Variants in USP34 observed in about 807,000 individuals in gnomAD.
The protein encoded by USP34 is ubiquitin carboxyl-terminal hydrolase 34.
A neutral mutation model predicts 460.3 loss-of-function variants in USP34; 70 were observed. The ratio of observed to expected loss-of-function variants is 0.15; its 90% confidence interval spans 0.13 to 0.19. The LOEUF is 0.19. USP34 is among the 10% of genes least tolerant of loss of function. The pLI is 1.00. For synonymous variants in USP34, 1,647 were observed against 1,405.3 expected, an observed-to-expected ratio of 1.17 and a Z score of -3.85; for missense variants, 3,985 against 4,236.2, an observed-to-expected ratio of 0.94 and a Z score of 1.65.
chr2:61,396,579 C>A (rs563930502), intron 3 of USP34, among the ~76,000 whole-genome samples: 1 of 151,994 alleles, frequency 6.6e-6, no homozygotes, highest in East Asian at 1.9e-4. Flanking sequence ...AGCTCTGCCT[C>A]CTGGGTTCAC....
Position 61,420,724 on chromosome 2 carries a change from C to T in USP34, c.131+22G>A, listed in dbSNP as rs775338299. On this transcript the variant is annotated intron_variant, in intron 2 of 79. Coordinates refer to ENST00000398571, the MANE Select transcript of USP34 (RefSeq NM_014709.4). ...AACACAACTCACAAAAATTAGTCTT[C>T]GAAATACCTAAAGATGCATACCTCT... The T allele has an allele frequency of 1.1e-4, 169 of 1,545,108 alleles. 1 individual carries two copies. In the Middle Eastern group the frequency reaches 3.6e-3, roughly 33 times the overall value.
chr2:61,212,082 T>A (rs1687285882), intron 68 of USP34, among the ~76,000 whole-genome samples, 153 bp from the exon 69 acceptor site: 1 of 152,146 alleles, frequency 6.6e-6, no homozygotes, highest in Non-Finnish European at 1.5e-5. Context: ...AGTAACAAAT[T>A]CTATTTAAAA....
chr2:61,304,606 C>T (rs889144515), intron 27 of USP34, among the ~76,000 whole-genome samples: 2 of 152,206 alleles, frequency 1.3e-5, no homozygotes, highest in African/African-American at 4.8e-5. Context: ...AATGAAGACA[C>T]AGCAATAAAG....
At chr2:61,236,431 T>C (rs1177677885) in intron 53 of USP34, 42 bp from the exon 54 acceptor site, 1 of 1,397,160 alleles carries the variant, frequency 7.2e-7, no homozygotes, top group Non-Finnish European at 9.7e-7. Context: ...AGCAGTTTAC[T>C]TCATTACATT....
Position 61,188,107 on chromosome 2 carries a change from A to C in USP34, c.10636T>G (p.Ser3546Ala), listed in dbSNP as rs781420169. 2.4e-5 allele frequency: 39 copies of C among 1,611,706 alleles called. No homozygotes were observed. The highest frequency in any genetic ancestry group is 5.5e-5 in the South Asian group (5 of 90,816). Reference sequence around the variant, plus strand: ...TAGACATGCTACACCTAATGTCAAGAAGCAGCTTGGTTTCCTTTGCCAGAT... The same window carrying C: ...TAGACATGCTACACCTAATGTCAAGCAGCAGCTTGGTTTCCTTTGCCAGAT... ...RISGKGNQAAS is the reference protein window; with the variant it reads ...RISGKGNQAAA Residue 3546 changes from serine to alanine, a missense_variant, in exon 80 of 80, where the codon TCT (serine) becomes GCT (alanine). Around this residue, in one of 14 missense-constraint regions of USP34, gnomAD observed 506 missense variants for 439.0 expected, o/e 1.15. Transcript: ENST00000398571.
intron 57 of USP34, among the ~76,000 whole-genome samples, chr2:61,234,444 G>C (rs1688004122): frequency 6.6e-6 from 1 of 152,152 alleles, no homozygotes; most frequent in Admixed American, 6.6e-5. Flanking sequence ...GGGATGGAGA[G>C]AGAAAACCAG....
At position 61,347,921 on chromosome 2, in the gene USP34, A is replaced by G; in HGVS notation, c.2234T>C (p.Ile745Thr). 1.9e-6 allele frequency: 3 copies of G among 1,614,026 alleles called. No individual in the cohort carries two copies. Among genetic ancestry groups the G allele is most frequent in the Non-Finnish European group, 2.5e-6 (3 of 1,179,986 alleles). Residue 745 changes from isoleucine (I) to threonine (T), a missense_variant, in exon 15 of 80, where the codon ATT becomes ACT. By Grantham distance (89) the Ile-to-Thr change is moderately conservative (BLOSUM62 -1). This residue lies in a region of USP34 where 716 missense variants were observed against 626.2 expected (regional missense o/e 1.14). Transcript: ENST00000398571. ...GNELFNCRQF[I>T]GPQHHHHHHH... Reference sequence around the variant, plus strand: ...GTGGTGGTGGTGATGCTGTGGACCAATAAATTGTCGACAATTAAATAATTC... The same window carrying G: ...GTGGTGGTGGTGATGCTGTGGACCAGTAAATTGTCGACAATTAAATAATTC...
chr2:61,194,350 C>T, intron 75 of USP34: 1 of 968,202 alleles, frequency 1.0e-6, no homozygotes, highest in Non-Finnish European at 1.2e-6. Context: ...CATGTCATCA[C>T]ATCTGTGGCT....
In USP34 at chr2:61,357,006, T is replaced by C. The variant is rs2103802484; in HGVS notation, c.1252-6313A>G. 2.0e-5 allele frequency among the ~76,000 whole-genome samples: 3 copies of C among 152,330 alleles called. No homozygotes were observed. The Middle Eastern group carries it at 0.01, about 518-fold the overall frequency. ...AGAGAAATAAAAAGTTCCACAATAA[T>C]AGTTGGAGACTTCAATATCCAATTT... On this transcript the variant is annotated intron_variant, in intron 10 of 79. Coordinates refer to ENST00000398571, the MANE Select transcript of USP34 (RefSeq NM_014709.4).
chr2:61,467,959 A>C (rs1695829765), intron 1 of USP34, among the ~76,000 whole-genome samples: 1 of 151,834 alleles, frequency 6.6e-6, no homozygotes, highest in Non-Finnish European at 1.5e-5. Context: ...CGTTGAACTG[A>C]TGCTCATCTT....
At chr2:61,362,124 G>A (rs1036697829) in intron 10 of USP34, among the ~76,000 whole-genome samples, 14 of 152,054 alleles carry the variant, frequency 9.2e-5, no homozygotes, top group African/African-American at 2.2e-4. Context: ...TCACACCTAC[G>A]TTGTAACAAC....
chr2:61,394,691 AT>A (rs752285262), intron 5 of USP34, among the ~76,000 whole-genome samples, 161 bp downstream of exon 5: 1 of 152,158 alleles, frequency 6.6e-6, no homozygotes, highest in Non-Finnish European at 1.5e-5. Context: ...TCTAATCTTA[AT>A]AATAAAGATC....
chr2:61,365,937 G>A (rs1356537132), intron 10 of USP34, among the ~76,000 whole-genome samples: 1 of 74,908 alleles, frequency 1.3e-5, no homozygotes, highest in South Asian at 7.1e-4. Context: ...AAAATGACTG[G>A]GAACACCTAT....
At chr2:61,303,478 G>A (rs1343508979) in intron 27 of USP34, among the ~76,000 whole-genome samples, 1 of 152,066 alleles carries the variant, frequency 6.6e-6, no homozygotes, top group Non-Finnish European at 1.5e-5. Flanking sequence ...ATTTTATAGT[G>A]TATTTTACTT....
At chr2:61,373,795 T>C (rs1692704590) in intron 8 of USP34, among the ~76,000 whole-genome samples, 2 of 152,198 alleles carry the variant, frequency 1.3e-5, no homozygotes, top group South Asian at 4.1e-4. Context: ...ATAGATATCA[T>C]ACACAGATCT....
At chr2:61,196,498 T>C (rs893571173) in intron 75 of USP34, among the ~76,000 whole-genome samples, 3 of 152,082 alleles carry the variant, frequency 2.0e-5, no homozygotes, top group Non-Finnish European at 2.9e-5. Context: ...GTGCTAGGAT[T>C]ATGGGCATGA....
chr2:61,299,143 C>T (rs189597122), intron 29 of USP34, among the ~76,000 whole-genome samples: 4 of 152,006 alleles, frequency 2.6e-5, no homozygotes, highest in East Asian at 1.9e-4. Context: ...TGTACCATCA[C>T]GTGAGAAACT....
intron 1 of USP34, among the ~76,000 whole-genome samples, chr2:61,454,231 T>G (rs1389881325): frequency 6.6e-6 from 1 of 152,002 alleles, no homozygotes; most frequent in African/African-American, 2.4e-5. Context: ...TTCAAGTGAT[T>G]CTCCTGCCTC....
chr2:61,289,091 G>T (rs1227134142), intron 33 of USP34, among the ~76,000 whole-genome samples: 3 of 152,062 alleles, frequency 2.0e-5, no homozygotes, highest in Non-Finnish European at 4.4e-5. Context: ...GGGTATACAA[G>T]ATGTATTTAA....
Sources: gnomAD v4.1 joint callset for allele counts (sites outside exome capture counted in the v4.1 genomes callset) on GRCh38, gnomAD v4.1.1 for gene constraint, gnomAD v4.1.1 regional missense constraint, MANE v1.5 for transcripts, NCBI Gene and HGNC (gene_info 2026-07-23, HGNC 2026-07-21) for gene names.